Variants in TCF7L2 observed in about 807,000 individuals in gnomAD.
The protein encoded by TCF7L2 is transcription factor 7 like 2, also known as transcription factor 7-like 2.
In TCF7L2, 23 loss-of-function variants were observed where a neutral mutation model predicts 77.9. That is an observed-to-expected ratio of 0.30 (90% CI 0.21 to 0.42). The LOEUF (loss-of-function observed/expected upper bound fraction) is 0.42. Ranked by LOEUF, TCF7L2 falls within the 10% of genes least tolerant of loss-of-function variation. The pLI is 1.00. For synonymous variants in TCF7L2, 413 were observed against 340.2 expected, an observed-to-expected ratio of 1.21 and a Z score of -2.36; for missense variants, 654 against 793.1, an observed-to-expected ratio of 0.82 and a Z score of 2.11.
At chr10:113,023,938 G>A (rs1050462114) in intron 4 of TCF7L2, among the ~76,000 whole-genome samples, 1 of 151,800 alleles carries the variant, frequency 6.6e-6, no homozygotes, top group East Asian at 2.0e-4. Flanking sequence ...GATTACAGGC[G>A]TGAGCCACTG....
chr10:113,004,893 CA>C (rs1468118298), intron 4 of TCF7L2, among the ~76,000 whole-genome samples: 2 of 152,070 alleles, frequency 1.3e-5, no homozygotes, highest in African/African-American at 4.8e-5. Flanking sequence ...AGGCTGGTCA[CA>C]AACTCCCGAC....
chr10:113,129,266 C>T (rs2066166054), intron 5 of TCF7L2: 1 of 976,488 alleles, frequency 1.0e-6, no homozygotes, highest in East Asian at 1.1e-4. Context: ...ATTTGACAAT[C>T]TTGCAGATAA....
At chr10:112,988,705 G>A (rs976051171) in intron 4 of TCF7L2, among the ~76,000 whole-genome samples, 1 of 152,194 alleles carries the variant, frequency 6.6e-6, no homozygotes, top group African/African-American at 2.4e-5. Context: ...AGAGGGGAAA[G>A]CTCACATTTT....
intron 4 of TCF7L2, among the ~76,000 whole-genome samples, chr10:113,036,086 A>C (rs957597715): frequency 3.3e-5 from 5 of 150,424 alleles, no homozygotes; most frequent in African/African-American, 1.2e-4. Flanking sequence ...TTTCCTGGCA[A>C]CTTTGTCGCC....
Position 113,152,408 on chromosome 10 carries a change from C to T in TCF7L2, c.1237C>T (p.Leu413=), listed in dbSNP as rs1446748604. The T allele has an allele frequency of 1.2e-6, 2 of 1,614,250 alleles. No individual in the cohort carries two copies. Among genetic ancestry groups the T allele is most frequent in the East Asian group, 2.2e-5 (1 of 44,888 alleles). The change falls in exon 11 of 14, where the codon CTG becomes TTG. Residue 413 remains leucine, a synonymous_variant. Coordinates refer to ENST00000627217, the MANE Select transcript of TCF7L2 (RefSeq NM_001146274.2). ...GAAGGAGCGACAGCTTCATATGCAACTGTACCCCGGCTGGTCCGCGCGGGA... is the reference window on the plus strand; with the variant it reads ...GAAGGAGCGACAGCTTCATATGCAATTGTACCCCGGCTGGTCCGCGCGGGA...
intron 5 of TCF7L2, among the ~76,000 whole-genome samples, chr10:113,093,986 G>A (rs775392771): frequency 8.5e-5 from 13 of 152,172 alleles, no homozygotes; most frequent in African/African-American, 2.7e-4. Flanking sequence ...ATCAGTGGCC[G>A]GGGATTAGCG....
chr10:113,090,503 A>G (rs1020039051), intron 5 of TCF7L2, among the ~76,000 whole-genome samples: 1 of 152,246 alleles, frequency 6.6e-6, no homozygotes, highest in Non-Finnish European at 1.5e-5. Flanking sequence ...AGTCATCTTT[A>G]AAAGTTTGTT....
rs138924017 is a variant in TCF7L2, at chr10:113,034,331, G to A, written c.451-5694G>A. On this transcript the variant is annotated intron_variant, in intron 4 of 13. Coordinates refer to ENST00000627217, the MANE Select transcript of TCF7L2 (RefSeq NM_001146274.2). ...GTGTAATGATATGAGAATCATAATC[G>A]TGGTGCGGTCTTTTGTGTTGCATAT... Among the ~76,000 whole-genome samples, 569 of 152,222 alleles carry A rather than the reference G, an allele frequency of 3.7e-3. 2 individuals are homozygous for A. Among genetic ancestry groups the A allele is most frequent in the African/African-American group, 0.013 (543 of 41,534 alleles).
chr10:113,118,051 G>GT (rs1383170389), intron 5 of TCF7L2, among the ~76,000 whole-genome samples: 1 of 149,226 alleles, frequency 6.7e-6, no homozygotes, highest in Non-Finnish European at 1.5e-5. Flanking sequence ...TTGGTGCTGT[G>GT]TTTTTCGGTC....
Position 113,151,176 on chromosome 10 carries a change from C to G in TCF7L2, c.1001+53C>G. ...TTCGTAGCCGCAGTGTTCTGCAAGCCTGTTGCAGCTGCTGGGTGGTGGCTT... is the reference window on the plus strand; with the variant it reads ...TTCGTAGCCGCAGTGTTCTGCAAGCGTGTTGCAGCTGCTGGGTGGTGGCTT... On this transcript the variant is annotated intron_variant, in intron 9 of 13. Coordinates refer to ENST00000627217, the MANE Select transcript of TCF7L2 (RefSeq NM_001146274.2). This position sits in a 1 kb window ranked among gnomAD's most constrained non-coding sequence, Gnocchi z 5.2. 6.2e-7 allele frequency: 1 copy of G among 1,610,054 alleles called. No individual in the cohort carries two copies. Among genetic ancestry groups the G allele is most frequent in the African/African-American group, 1.3e-5 (1 of 74,976 alleles).
chr10:113,152,299 T>C (rs756742174), intron 10 of TCF7L2, 34 bp from the exon 11 acceptor site: 45 of 1,544,688 alleles, frequency 2.9e-5, no homozygotes, highest in Non-Finnish European at 1.8e-6. Context: ...TCTTTGTTCA[T>C]GTCTTTCTCA....
At chr10:113,114,388 C>G (rs1192380292) in intron 5 of TCF7L2, among the ~76,000 whole-genome samples, 1 of 152,040 alleles carries the variant, frequency 6.6e-6, no homozygotes, top group Admixed American at 6.5e-5. Context: ...TTTTTTGCAT[C>G]TCGATCAGAA....
chr10:113,059,478 CG>C (rs1278313374), intron 5 of TCF7L2, among the ~76,000 whole-genome samples: 1 of 151,878 alleles, frequency 6.6e-6, no homozygotes, highest in Non-Finnish European at 1.5e-5. Context: ...GGGGAAAAGG[CG>C]GGGGTTGGGG....
intron 4 of TCF7L2, among the ~76,000 whole-genome samples, chr10:112,982,041 A>G (rs956833222): frequency 6.6e-6 from 1 of 152,154 alleles, no homozygotes; most frequent in African/African-American, 2.4e-5. Flanking sequence ...ACGTCTGTGG[A>G]CTATTTTGGA....
intron 5 of TCF7L2, chr10:113,129,324 C>T (rs150758524): frequency 5.1e-6 from 5 of 986,544 alleles, no homozygotes; most frequent in East Asian, 1.1e-4. Flanking sequence ...CATGGCTGAC[C>T]GTAATTTCTT....
intron 5 of TCF7L2, among the ~76,000 whole-genome samples, chr10:113,077,803 G>A (rs1180930083): frequency 2.0e-5 from 3 of 150,448 alleles, no homozygotes; most frequent in South Asian, 2.1e-4. Flanking sequence ...AGGTTCAGGC[G>A]ATTCACCTGC....
At chr10:113,157,398 G>A (rs577455830) in intron 11 of TCF7L2, among the ~76,000 whole-genome samples, 7 of 152,298 alleles carry the variant, frequency 4.6e-5, no homozygotes, top group Non-Finnish European at 4.4e-5. Context: ...GATTATAGGC[G>A]TCAGCCACTG....
chr10:113,097,651 A>AG (rs953959941), intron 5 of TCF7L2, among the ~76,000 whole-genome samples: 1 of 124,596 alleles, frequency 8.0e-6, no homozygotes, highest in African/African-American at 3.2e-5. Context: ...TCTCGGAAAA[A>AG]AAAAAAAAAA....
chr10:112,989,176 C>T (rs1352365124), intron 4 of TCF7L2, among the ~76,000 whole-genome samples: 1 of 151,940 alleles, frequency 6.6e-6, no homozygotes, highest in Non-Finnish European at 1.5e-5. Context: ...CCTGTGTCTC[C>T]CTGTAAAATG....
Sources: allele counts gnomAD v4.1 joint callset (sites outside exome capture counted in the v4.1 genomes callset), GRCh38; gene constraint gnomAD v4.1.1; non-coding constraint Gnocchi (gnomAD v3.1); transcripts MANE v1.5; gene names NCBI Gene and HGNC (gene_info 2026-07-23, HGNC 2026-07-21).